NDUFAF6: variants seen among roughly 807,000 people sequenced by gnomAD.
NDUFAF6 encodes the protein NADH dehydrogenase (ubiquinone) complex I, assembly factor 6.
NDUFAF6 carries 45 observed loss-of-function variants against 40.8 expected under a neutral mutation model. That is an observed-to-expected ratio of 1.10 (90% CI 0.87 to 1.42). The LOEUF (loss-of-function observed/expected upper bound fraction) is 1.42, where lower values mean the gene tolerates loss of function less well. Ranked by LOEUF, NDUFAF6 falls within the 40% of genes most tolerant of loss-of-function variation. The pLI, the probability that NDUFAF6 is intolerant of heterozygous loss-of-function variation, is 0.00. For synonymous variants in NDUFAF6, 185 were observed against 155.9 expected (o/e 1.19, Z -1.39); for missense variants, 435 against 418.5 (o/e 1.04, Z -0.34).
In NDUFAF6 at chr8:94,941,416, G is replaced by A. The variant is rs545763055; in HGVS notation, c.-935-4067G>A. On this transcript the variant is annotated intron_variant, in intron 1 of 14. Transcript: ENST00000396113. ...CAAGCAGATGAGCAAATTCTAGATAGTAACAGTCTTGCTATATGTTATTCA... is the reference window on the plus strand; with the variant it reads ...CAAGCAGATGAGCAAATTCTAGATAATAACAGTCTTGCTATATGTTATTCA... Among the ~76,000 whole-genome samples the A allele has an allele frequency of 1.1e-4, 17 of 152,250 alleles. No individual in the cohort carries two copies. In the East Asian group the frequency reaches 3.3e-3, roughly 29 times the overall value.
At chr8:94,946,421 C>T (rs1281328471) in intron 2 of NDUFAF6, among the ~76,000 whole-genome samples, 1 of 151,862 alleles carries the variant, frequency 6.6e-6, no homozygotes, top group Non-Finnish European at 1.5e-5. Context: ...GGCTCTGAGG[C>T]TGGGCGCAGT....
chr8:95,117,126 C>T (rs535272263), downstream of NDUFAF6, among the ~76,000 whole-genome samples: 6 of 152,296 alleles, frequency 3.9e-5, no homozygotes, highest in African/African-American at 1.4e-4. Flanking sequence ...TAGATCAGCT[C>T]ATCACTGGAG....
rs1827923914 is a variant in NDUFAF6, at chr8:95,025,079, G to A, written c.71G>A (p.Arg24Gln). The A allele has an allele frequency of 1.4e-6, 2 of 1,450,484 alleles. No individual in the cohort carries two copies. Among genetic ancestry groups the A allele is most frequent in the Admixed American group, 2.8e-5 (1 of 36,160 alleles). The allele number at this position is 1,450,484 out of a possible 1,614,324, so 89.9% of individuals were successfully genotyped here. A position where few individuals can be genotyped will look rare whatever the true frequency, so the allele number is the denominator to read the frequency against. ...RLGIPGLCCR[R>Q]PPLGLYARMR... ...GGCATCCCCGGCCTGTGCTGCCGCC[G>A]GCCGCCTCTGGGTCTGTACGCGCGC... is the stretch of plus-strand genomic sequence containing the variant. Residue 24 changes from arginine to glutamine, a missense_variant, in exon 1 of 9, where the codon CGG becomes CAG. Transcript: ENST00000396124.
intron 2 of NDUFAF6, chr8:95,101,306 AT>A (rs1809638749): frequency 6.6e-6 from 1 of 152,276 alleles, no homozygotes; most frequent in Admixed American, 6.5e-5. Flanking sequence ...AGGCTAAGGA[AT>A]TTCTGCAAGC....
chr8:95,005,146 T>G (rs1826905631), intron 2 of NDUFAF6, among the ~76,000 whole-genome samples: 1 of 152,152 alleles, frequency 6.6e-6, no homozygotes, highest in Non-Finnish European at 1.5e-5. Flanking sequence ...AGTTTCCTTC[T>G]TGGTAAAATG....
At chr8:94,991,989 A>G (rs995704552) in intron 2 of NDUFAF6, among the ~76,000 whole-genome samples, 9 of 152,246 alleles carry the variant, frequency 5.9e-5, no homozygotes, top group African/African-American at 2.2e-4. Flanking sequence ...AAGGGTTTAT[A>G]CATTTGAAGT....
chr8:94,918,019 G>A (rs576919334), intron 1 of NDUFAF6, among the ~76,000 whole-genome samples: 1 of 152,286 alleles, frequency 6.6e-6, no homozygotes, highest in South Asian at 2.1e-4. Flanking sequence ...TTTGATCAGC[G>A]AAACTTTGTA....
At chr8:95,105,382 C>G (rs1809809902), downstream of NDUFAF6, among the ~76,000 whole-genome samples, 1 of 146,182 alleles carries the variant, frequency 6.8e-6, no homozygotes, top group Non-Finnish European at 1.5e-5. Context: ...TTTTTTGAGA[C>G]AGGGTCTCAC....
At chr8:94,911,317 C>T (rs1422794050) in intron 1 of NDUFAF6, among the ~76,000 whole-genome samples, 1 of 152,100 alleles carries the variant, frequency 6.6e-6, no homozygotes, top group Non-Finnish European at 1.5e-5. Context: ...ATTACCTAAC[C>T]TCAGTCTTCA....
At chr8:94,936,416 AACTG>A (rs1376979888) in intron 1 of NDUFAF6, among the ~76,000 whole-genome samples, 1 of 152,196 alleles carries the variant, frequency 6.6e-6, no homozygotes, top group Admixed American at 6.5e-5. Context: ...AATAGCTCTC[AACTG>A]ACTGACAAAG....
At chr8:94,897,842 G>T (rs528291817) in intron 1 of NDUFAF6, among the ~76,000 whole-genome samples, 103 of 151,432 alleles carry the variant, frequency 6.8e-4, no homozygotes, top group African/African-American at 2.3e-3. Flanking sequence ...CTCGGAAATT[G>T]TTTTGTTCAT....
At chr8:94,935,410 C>T (rs76492371) in intron 1 of NDUFAF6, among the ~76,000 whole-genome samples, 3,105 of 152,252 alleles carry the variant, frequency 0.02, 37 homozygotes, top group African/African-American at 0.032. Flanking sequence ...GGAGCAATCT[C>T]AGATATTTCC....
At chr8:95,005,191 C>T (rs185654797) in intron 2 of NDUFAF6, among the ~76,000 whole-genome samples, 218 of 152,062 alleles carry the variant, frequency 1.4e-3, no homozygotes, top group Middle Eastern at 6.8e-3. Flanking sequence ...GTGTTGCTGT[C>T]GGGAGTAACT....
intron 1 of NDUFAF6, among the ~76,000 whole-genome samples, chr8:94,977,271 G>A (rs576504888): frequency 4.3e-4 from 65 of 152,158 alleles, no homozygotes; most frequent in African/African-American, 1.5e-3. Flanking sequence ...CAGTGCTTTG[G>A]GAGGCCAAGG....
At chr8:94,965,337 C>A (rs564554856) in intron 1 of NDUFAF6, among the ~76,000 whole-genome samples, 3 of 152,234 alleles carry the variant, frequency 2.0e-5, no homozygotes, top group African/African-American at 7.2e-5. Context: ...TGGTGAGTCC[C>A]CGGGGAATGA....
intron 1 of NDUFAF6, among the ~76,000 whole-genome samples, chr8:94,900,625 T>C (rs1817953252): frequency 2.0e-5 from 3 of 151,930 alleles, no homozygotes; most frequent in Admixed American, 2.0e-4. Flanking sequence ...CTCTGGGAGG[T>C]TGGAGTAGGC....
chr8:94,962,752 G>T (rs375564141), intron 1 of NDUFAF6, among the ~76,000 whole-genome samples: 1 of 151,146 alleles, frequency 6.6e-6, no homozygotes, highest in Non-Finnish European at 1.5e-5. Flanking sequence ...TGCTTTTATG[G>T]CATTAGCCAC....
At chr8:95,115,049 G>A (rs1026197081) in intron 4 of NDUFAF6, among the ~76,000 whole-genome samples, 8 of 84,072 alleles carry the variant, frequency 9.5e-5, no homozygotes, top group African/African-American at 4.4e-4. Flanking sequence ...GGGATAGAGC[G>A]AGACTGTTTA....
intron 2 of NDUFAF6, among the ~76,000 whole-genome samples, chr8:95,016,628 G>A (rs1159147857): frequency 6.6e-6 from 1 of 152,180 alleles, no homozygotes; most frequent in Non-Finnish European, 1.5e-5. Context: ...TGTAGTCCCA[G>A]CTACTTGGGA....
Sources: allele counts gnomAD v4.1 joint callset (sites outside exome capture counted in the v4.1 genomes callset), GRCh38; gene constraint gnomAD v4.1.1; transcripts MANE v1.5; gene names NCBI Gene and HGNC (gene_info 2026-07-23, HGNC 2026-07-21).